MMD: variants seen among roughly 807,000 people sequenced by gnomAD.
MMD encodes monocyte to macrophage differentiation associated, also known as monocyte to macrophage differentiation factor.
Under a neutral mutation model 33.6 loss-of-function variants are expected in MMD, and 22 were observed. The observed-to-expected ratio is 0.66, with a 90% confidence interval of 0.47 to 0.94. MMD has a LOEUF of 0.94. Ranked by LOEUF, MMD falls within the 40% of genes least tolerant of loss-of-function variation. The pLI is 0.00. For missense variants in MMD, 242 were observed against 309.8 expected, an observed-to-expected ratio of 0.78 and a Z score of 1.64; for synonymous variants, 97 against 103.2, an observed-to-expected ratio of 0.94 and a Z score of 0.36.
intron 4 of MMD, chr17:55,404,353 T>TA (rs879282832): frequency 0.028 from 15,897 of 558,868 alleles, no homozygotes; most frequent in Middle Eastern, 0.037. Flanking sequence ...AGACTCCACC[T>TA]AAAAAAAAAA....
At chr17:55,409,359 A>G (rs532796456) in intron 3 of MMD, among the ~76,000 whole-genome samples, 52 of 152,314 alleles carry the variant, frequency 3.4e-4, no homozygotes, top group Admixed American at 8.5e-4. Context: ...ATTTCTAGCA[A>G]GGTTTTGGGC....
rs1449565758 is a variant in MMD, at chr17:55,394,276, C to T, written c.*58G>A. On this transcript the variant is annotated 3_prime_UTR_variant, in exon 7 of 7. Coordinates refer to ENST00000262065, the MANE Select transcript of MMD (RefSeq NM_012329.3). ...TCCCTGTGCAATGTTTAGCTCTCAC[C>T]CCACTCCCAAGTGCCATAATTGAAA... The T allele has an allele frequency of 1.6e-6, 2 of 1,236,496 alleles. No homozygotes were observed. Among genetic ancestry groups the T allele is most frequent in the African/African-American group, 3.1e-5 (2 of 64,694 alleles). The allele number at this position is 1,236,496 out of a possible 1,614,324, so 76.6% of individuals were successfully genotyped here. A position where few individuals can be genotyped will look rare whatever the true frequency, so the allele number is the denominator to read the frequency against.
At chr17:55,406,678 G>A (rs1205936477) in intron 4 of MMD, among the ~76,000 whole-genome samples, 3 of 151,748 alleles carry the variant, frequency 2.0e-5, no homozygotes, top group African/African-American at 7.3e-5. Flanking sequence ...GTCGGAGTTC[G>A]ATACCAACCT....
intron 5 of MMD, among the ~76,000 whole-genome samples, chr17:55,402,110 G>GA (rs1414335890): frequency 1.1e-3 from 146 of 137,790 alleles, no homozygotes; most frequent in African/African-American, 3.4e-3. Context: ...AAAAAGAAAA[G>GA]AAAAAAAAAA....
Position 55,418,132 on chromosome 17 carries a change from C to CA in MMD, c.26+3537dup, listed in dbSNP as rs557542903. Reference sequence around the variant, plus strand: ...CATCCTTTCAGCTCAGCTCAGATGTCACCTCCTCAAGAGAGGTTTTCCAGA... The same window carrying CA: ...CATCCTTTCAGCTCAGCTCAGATGTCAACCTCCTCAAGAGAGGTTTTCCAGA... On this transcript the variant is annotated intron_variant, in intron 1 of 6. Coordinates refer to ENST00000262065, the MANE Select transcript of MMD (RefSeq NM_012329.3). 4.3e-3 allele frequency among the ~76,000 whole-genome samples: 652 copies of CA among 152,396 alleles called. 1 individual carries two copies. The highest frequency in any genetic ancestry group is 7.6e-3 in the Non-Finnish European group (515 of 68,042).
intron 1 of MMD, among the ~76,000 whole-genome samples, chr17:55,416,182 G>A (rs746715027): frequency 2.6e-5 from 4 of 152,190 alleles, no homozygotes; most frequent in African/African-American, 7.2e-5. Flanking sequence ...GCTCTGTGTA[G>A]GGTGCAGTAA....
At position 55,396,675 on chromosome 17, in the gene MMD, G is replaced by A. The variant is rs190041342; in HGVS notation, c.517-2141C>T. 1.8e-3 allele frequency among the ~76,000 whole-genome samples: 279 copies of A among 151,882 alleles called. 1 individual carries two copies. Among genetic ancestry groups the A allele is most frequent in the Admixed American group, 4.5e-3 (68 of 15,262 alleles). ...TCTGTTGCCCAGGCTGGAGTGCAGTGCATGATCTCAGCTCACTGCAAACTC... is the reference window on the plus strand; with the variant it reads ...TCTGTTGCCCAGGCTGGAGTGCAGTACATGATCTCAGCTCACTGCAAACTC... On this transcript the variant is annotated intron_variant, in intron 6 of 6. Coordinates refer to ENST00000262065, the MANE Select transcript of MMD (RefSeq NM_012329.3).
intron 6 of MMD, among the ~76,000 whole-genome samples, chr17:55,400,225 T>C (rs11079166): frequency 0.33 from 50,608 of 152,082 alleles, 9,338 homozygotes; most frequent in Non-Finnish European, 0.42. Flanking sequence ...ATAGGTGTTT[T>C]TGTGACCAGG....
intron 2 of MMD, among the ~76,000 whole-genome samples, chr17:55,412,363 A>T (rs1384238000): frequency 6.6e-6 from 1 of 152,150 alleles, no homozygotes; most frequent in African/African-American, 2.4e-5. Flanking sequence ...AGTAAGCAAG[A>T]GCAAACCATT....
Position 55,403,747 on chromosome 17 carries a change from T to C in MMD, c.446+20A>G. On this transcript the variant is annotated intron_variant, in intron 5 of 6. Transcript: ENST00000262065. ...GGCAGTCAATTTTAAAACTATCAAA[T>C]GTAAATTATTTTCTCTTACTTTTCA... The C allele has an allele frequency of 1.3e-6, 2 of 1,570,734 alleles. No individual in the cohort carries two copies. The highest frequency in any genetic ancestry group is 1.7e-6 in the Non-Finnish European group (2 of 1,147,704).
intron 5 of MMD, among the ~76,000 whole-genome samples, chr17:55,401,889 C>T (rs569488174): frequency 6.6e-6 from 1 of 152,050 alleles, no homozygotes; most frequent in Admixed American, 6.5e-5. Flanking sequence ...CTGATTAACA[C>T]GGTGAAACCC....
intron 2 of MMD, among the ~76,000 whole-genome samples, chr17:55,411,630 C>T (rs1443336884): frequency 1.3e-5 from 2 of 151,700 alleles, no homozygotes; most frequent in African/African-American, 4.8e-5. Flanking sequence ...GGAATTGTGC[C>T]AACCAGTGGG....
chr17:55,411,868 G>A (rs1907778804), intron 2 of MMD, among the ~76,000 whole-genome samples: 2 of 152,096 alleles, frequency 1.3e-5, no homozygotes, highest in Admixed American at 1.3e-4. Context: ...CTTGAGCCCT[G>A]GAGTTCCAGA....
chr17:55,414,518 C>T (rs1044894707), intron 1 of MMD, among the ~76,000 whole-genome samples: 1 of 145,464 alleles, frequency 6.9e-6, no homozygotes, highest in Non-Finnish European at 1.5e-5. Context: ...CAAAGAGAAA[C>T]CATATCCACC....
At chr17:55,418,156 G>T (rs1457033726) in intron 1 of MMD, among the ~76,000 whole-genome samples, 3 of 152,196 alleles carry the variant, frequency 2.0e-5, no homozygotes, top group Admixed American at 1.3e-4. Context: ...AGGTTTTCCA[G>T]ACTATCCTAA....
In MMD at chr17:55,399,980, G is replaced by T. The variant is rs187060130; in HGVS notation, c.516+1489C>A. Among the ~76,000 whole-genome samples, 345 of 152,228 alleles carry T rather than the reference G, an allele frequency of 2.3e-3. 2 individuals are homozygous for T. Among genetic ancestry groups the T allele is most frequent in the African/African-American group, 7.7e-3 (318 of 41,530 alleles). ...ACAAACCTTGCTTATATTGCTTGGG[G>T]TGTCCTGAAATGCCTTCTAACTATA... On this transcript the variant is annotated intron_variant, in intron 6 of 6. Transcript: ENST00000262065.
intron 4 of MMD, among the ~76,000 whole-genome samples, chr17:55,406,601 C>T (rs1057414151): frequency 6.6e-6 from 1 of 151,836 alleles, no homozygotes; most frequent in Non-Finnish European, 1.5e-5. Context: ...ACAAAAATGG[C>T]CAAGCATGGT....
At position 55,401,446 on chromosome 17, in the gene MMD, A is replaced by G. The variant is rs773773232; in HGVS notation, c.516+23T>C. 2.5e-6 allele frequency: 4 copies of G among 1,571,882 alleles called. No individual in the cohort carries two copies. In the South Asian group the frequency reaches 3.5e-5, roughly 14 times the overall value. On this transcript the variant is annotated intron_variant, in intron 6 of 6. Transcript: ENST00000262065. ...TCCAGCAGCTTAAAAGAAAATAACT[A>G]AAATTCTGAAGCCATGTCTTACCAT...
chr17:55,399,678 T>C (rs1252471165), intron 6 of MMD, among the ~76,000 whole-genome samples: 2 of 152,240 alleles, frequency 1.3e-5, no homozygotes, highest in Admixed American at 1.3e-4. Flanking sequence ...ACTTCTGTCA[T>C]GTTCGCATAG....
Sources: allele counts gnomAD v4.1 joint callset (sites outside exome capture counted in the v4.1 genomes callset), GRCh38; gene constraint gnomAD v4.1.1; transcripts MANE v1.5; gene names NCBI Gene and HGNC (gene_info 2026-07-23, HGNC 2026-07-21).